The following PTPN9 variants were observed in gnomAD, a reference collection of about 807,000 sequenced individuals.
PTPN9 encodes protein tyrosine phosphatase non-receptor type 9.
Under a neutral mutation model 69.8 loss-of-function variants are expected in PTPN9, and 26 were observed. The ratio of observed to expected loss-of-function variants is 0.37; its 90% CI spans 0.27 to 0.52. The LOEUF is 0.52. Ranked by LOEUF, PTPN9 falls within the 20% of genes least tolerant of loss-of-function variation. The pLI is 0.91. For missense variants in PTPN9, 549 were observed against 740.3 expected (o/e 0.74, Z 3.00); for synonymous variants, 274 against 272.5 (o/e 1.01, Z -0.05).
chr15:75,566,727 C>T (rs545277067), intron 1 of PTPN9, among the ~76,000 whole-genome samples: 1 of 151,580 alleles, frequency 6.6e-6, no homozygotes, highest in African/African-American at 2.4e-5. Flanking sequence ...GTGGTTCATG[C>T]CTATAATCTT....
chr15:75,548,767 C>A (rs1332507471), intron 1 of PTPN9, among the ~76,000 whole-genome samples: 1 of 150,746 alleles, frequency 6.6e-6, no homozygotes, highest in Non-Finnish European at 1.5e-5. Context: ...CATTCTCCTG[C>A]CTCAGCCTCC....
intron 7 of PTPN9, among the ~76,000 whole-genome samples, chr15:75,504,615 C>T (rs2074804583): frequency 7.0e-6 from 1 of 143,610 alleles, no homozygotes; most frequent in South Asian, 2.2e-4. Flanking sequence ...TCTGCCCGGC[C>T]AGCCGCCCCG....
Position 75,505,776 on chromosome 15 carries a change from T to C in PTPN9, c.867A>G (p.Gln289=). 9 of 1,614,020 alleles carry C rather than the reference T, an allele frequency of 5.6e-6. No individual in the cohort carries two copies. The highest frequency in any genetic ancestry group is 7.6e-6 in the Non-Finnish European group (9 of 1,179,936). The change falls in exon 7 of 13, where the codon CAA becomes CAG. Residue 289 remains glutamine (Q), a synonymous_variant. Transcript: ENST00000618819. ...HVPGPHAMTI[Q]ELVDYVNARQ... Reference sequence around the variant, plus strand: ...TGGCATTAACATAGTCCACCAACTCTTGGATGGTCATAGCATGGGGACCTG... The same window carrying C: ...TGGCATTAACATAGTCCACCAACTCCTGGATGGTCATAGCATGGGGACCTG...
intron 7 of PTPN9, among the ~76,000 whole-genome samples, chr15:75,491,108 TAA>T (rs1015189240): frequency 4.1e-5 from 6 of 146,028 alleles, no homozygotes; most frequent in Non-Finnish European, 7.5e-5. Flanking sequence ...AACCCTGACT[TAA>T]AAAAAAGAGA....
chr15:75,569,934 C>T (rs2141345173), intron 1 of PTPN9, among the ~76,000 whole-genome samples: 1 of 152,050 alleles, frequency 6.6e-6, no homozygotes, highest in South Asian at 2.1e-4. Flanking sequence ...AATTCTCCTG[C>T]CTCAGCCTCC....
Position 75,478,392 on chromosome 15 carries a change from A to G in PTPN9, c.1129+1456T>C, listed in dbSNP as rs1460720030. Among the ~76,000 whole-genome samples, 3 of 152,176 alleles carry G rather than the reference A, an allele frequency of 2.0e-5. No homozygotes were observed. In the East Asian group the frequency reaches 5.8e-4, roughly 29 times the overall value. ...AGTGCTGGGATTACAGGTGTGAGCC[A>G]TTGTGACTGGCCCTTTAATTTATTT... is the stretch of plus-strand genomic sequence containing the variant. On this transcript the variant is annotated intron_variant, in intron 9 of 12. Coordinates refer to ENST00000618819, the MANE Select transcript of PTPN9 (RefSeq NM_002833.4).
intron 1 of PTPN9, among the ~76,000 whole-genome samples, chr15:75,530,638 TAC>T (rs2074954235): frequency 4.6e-5 from 3 of 64,602 alleles, no homozygotes; most frequent in African/African-American, 2.4e-4. Flanking sequence ...TATTATAATA[TAC>T]TATAATATAT....
At chr15:75,473,145 G>A (rs1316415872) in intron 10 of PTPN9, among the ~76,000 whole-genome samples, 1 of 152,140 alleles carries the variant, frequency 6.6e-6, no homozygotes, top group Non-Finnish European at 1.5e-5. Flanking sequence ...CCAGAGCCAG[G>A]GATTAAAGCT....
chr15:75,530,604 A>C (rs1418492940), intron 1 of PTPN9, among the ~76,000 whole-genome samples: 1 of 81,462 alleles, frequency 1.2e-5, no homozygotes, highest in Non-Finnish European at 2.2e-5. Flanking sequence ...ATTATATTAT[A>C]ATATACTATA....
At chr15:75,531,085 T>C (rs1003833778) in intron 1 of PTPN9, among the ~76,000 whole-genome samples, 3 of 150,276 alleles carry the variant, frequency 2.0e-5, no homozygotes, top group African/African-American at 7.4e-5. Context: ...CAAACTAAAA[T>C]CCCAGGAGAG....
chr15:75,556,473 G>A (rs1401270929), intron 1 of PTPN9, among the ~76,000 whole-genome samples: 1 of 151,772 alleles, frequency 6.6e-6, no homozygotes, highest in Non-Finnish European at 1.5e-5. Context: ...CGCCTCCCAG[G>A]TTCAAGCAAG....
chr15:75,503,883 C>A (rs1173770039), intron 7 of PTPN9, among the ~76,000 whole-genome samples: 3 of 115,658 alleles, frequency 2.6e-5, no homozygotes, highest in Admixed American at 8.9e-5. Flanking sequence ...GCCCGGCCAG[C>A]CGCCCCGTCC....
In PTPN9 at chr15:75,505,884, C is replaced by G. The variant is rs1393972245; in HGVS notation, c.759G>C (p.Gln253His). ...LATWNFQFLP[Q>H]VNGHPDPFDE... The stretch of plus-strand genomic sequence containing the variant: ...CGAAGGGATCTGGGTGGCCGTTCAC[C>G]TGGGGTAGGAACTGGAAATTCCAAG... Residue 253 changes from glutamine to histidine, a missense_variant, in exon 7 of 13, where the codon CAG becomes CAC. Physicochemically the swap from Gln to His is conservative, Grantham distance 24. Coordinates refer to ENST00000618819, the MANE Select transcript of PTPN9 (RefSeq NM_002833.4). The G allele has an allele frequency of 5.0e-6, 8 of 1,614,032 alleles. No individual in the cohort carries two copies. Among genetic ancestry groups the G allele is most frequent in the Non-Finnish European group, 6.8e-6 (8 of 1,180,002 alleles).
chr15:75,534,674 CAA>C (rs56302688), intron 1 of PTPN9, among the ~76,000 whole-genome samples: 30 of 96,194 alleles, frequency 3.1e-4, no homozygotes, highest in Admixed American at 6.0e-4. Context: ...GACTCTATCT[CAA>C]AAAAAAAAAA....
intron 2 of PTPN9, among the ~76,000 whole-genome samples, chr15:75,526,141 G>A (rs1004713971): frequency 6.6e-6 from 1 of 151,738 alleles, no homozygotes; most frequent in African/African-American, 2.4e-5. Flanking sequence ...GAATACAGGT[G>A]CCACTACACC....
chr15:75,479,879 G>A lies in PTPN9; in HGVS notation c.1098C>T (p.Tyr366=), dbSNP rs1296781454. The A allele has an allele frequency of 1.9e-6, 3 of 1,611,534 alleles. No homozygotes were observed. Among genetic ancestry groups the A allele is most frequent in the Non-Finnish European group, 2.5e-6 (3 of 1,178,892 alleles). ...DYINASFMDG[Y]KQKNAYIGTQ... is the part of the protein sequence containing the mutation. Reference sequence around the variant, plus strand: ...TGCCAATGTAAGCATTCTTCTGCTTGTAGCCATCCATGAAACTGGCATTGA... The same window carrying A: ...TGCCAATGTAAGCATTCTTCTGCTTATAGCCATCCATGAAACTGGCATTGA... Residue 366 remains tyrosine, a synonymous_variant, in exon 9 of 13, where the codon TAC becomes TAT. Coordinates refer to ENST00000618819, the MANE Select transcript of PTPN9 (RefSeq NM_002833.4).
intron 1 of PTPN9, among the ~76,000 whole-genome samples, chr15:75,559,645 A>G (rs1473980626): frequency 1.3e-5 from 2 of 152,110 alleles, no homozygotes; most frequent in South Asian, 2.1e-4. Context: ...GGAAGGCCGC[A>G]GGGTCCTCTG....
At chr15:75,477,249 T>C (rs192778331) in intron 9 of PTPN9, among the ~76,000 whole-genome samples, 2 of 152,254 alleles carry the variant, frequency 1.3e-5, no homozygotes, top group Non-Finnish European at 2.9e-5. Context: ...AATAATTAGA[T>C]AGCATTTATG....
chr15:75,469,010 CT>C, intron 12 of PTPN9, 27 bp from the exon 13 acceptor site: 1 of 1,568,588 alleles, frequency 6.4e-7, no homozygotes, highest in Non-Finnish European at 8.8e-7. Flanking sequence ...GTGATCACAT[CT>C]GGTTTACCTC....
Sources: allele counts gnomAD v4.1 joint callset (sites outside exome capture counted in the v4.1 genomes callset), GRCh38; gene constraint gnomAD v4.1.1; transcripts MANE v1.5; gene names NCBI Gene and HGNC (gene_info 2026-07-23, HGNC 2026-07-21).